The following ACSS3 variants were observed in gnomAD, a reference collection of about 807,000 sequenced individuals.
ACSS3 encodes acyl-CoA synthetase short-chain family member 3, mitochondrial.
In ACSS3, 64 loss-of-function variants were observed where a neutral mutation model predicts 84.2. That is an observed-to-expected ratio of 0.76 (90% CI 0.62 to 0.94). The LOEUF (loss-of-function observed/expected upper bound fraction) is 0.94. ACSS3 is among the 40% of genes least tolerant of loss of function. The pLI, the probability that ACSS3 is intolerant of heterozygous loss-of-function variation, is 0.00. For missense variants in ACSS3, 815 were observed against 867.6 expected (o/e 0.94, Z 0.76); for synonymous variants, 317 against 310.1 (o/e 1.02, Z -0.23).
intron 8 of ACSS3, among the ~76,000 whole-genome samples, chr12:81,179,115 C>T (rs946540013): frequency 6.6e-6 from 1 of 151,876 alleles, no homozygotes; most frequent in African/African-American, 2.4e-5. Context: ...AACCAGACCC[C>T]TTCCTTTCAC....
chr12:81,246,646 C>T (rs953556789), intron 13 of ACSS3, among the ~76,000 whole-genome samples: 1 of 152,168 alleles, frequency 6.6e-6, no homozygotes, highest in African/African-American at 2.4e-5. Flanking sequence ...TAAGTTACTT[C>T]ATTTTTTTCT....
In ACSS3 at chr12:81,255,498, GCTATAC is replaced by G. The variant is rs2034270324; in HGVS notation, c.*579_*584del. ...GGGAAAGCAGAACACCGGGGTTATA[GCTATAC>G]CTTCAGGTCTTTTGTTACTTAGGCA... On this transcript the variant is annotated 3_prime_UTR_variant, in exon 16 of 16. Coordinates refer to ENST00000548058, the MANE Select transcript of ACSS3 (RefSeq NM_024560.4). The G allele has an allele frequency of 6.9e-6, 1 of 143,946 alleles. No individual in the cohort carries two copies. Among genetic ancestry groups the G allele is most frequent in the Non-Finnish European group, 1.6e-5 (1 of 64,224 alleles). 8.9% of individuals were successfully genotyped at this position (143,946 alleles called of 1,614,324 possible). A position where few individuals can be genotyped will look rare whatever the true frequency, so the allele number is the denominator to read the frequency against.
intron 2 of ACSS3, among the ~76,000 whole-genome samples, chr12:81,121,234 A>G (rs1884567848): frequency 6.6e-6 from 1 of 152,220 alleles, no homozygotes; most frequent in Non-Finnish European, 1.5e-5. Flanking sequence ...TGGTTGGTGT[A>G]GTCAGGGTAG....
At chr12:81,121,417 C>G (rs1275151540) in intron 2 of ACSS3, among the ~76,000 whole-genome samples, 1 of 151,708 alleles carries the variant, frequency 6.6e-6, no homozygotes, top group Non-Finnish European at 1.5e-5. Context: ...TCTAAGAAAC[C>G]AATTTGGCTT....
At chr12:81,135,027 T>C in intron 3 of ACSS3, 23 bp downstream of exon 3, 1 of 1,545,234 alleles carries the variant, frequency 6.5e-7, no homozygotes, top group Non-Finnish European at 8.8e-7. Context: ...TTTTGGGAAA[T>C]CAAGTAGTAG....
intron 1 of ACSS3, among the ~76,000 whole-genome samples, chr12:81,084,070 G>A (rs1189293483): frequency 1.3e-5 from 2 of 152,138 alleles, no homozygotes; most frequent in Non-Finnish European, 2.9e-5. Flanking sequence ...CCTTTAAATG[G>A]TGCATGTGCT....
chr12:81,234,080 C>G (rs1320830974), intron 13 of ACSS3, among the ~76,000 whole-genome samples: 1 of 151,202 alleles, frequency 6.6e-6, no homozygotes, highest in Non-Finnish European at 1.5e-5. Flanking sequence ...ACTCTGGTAC[C>G]CCTTATTTTT....
intron 8 of ACSS3, among the ~76,000 whole-genome samples, chr12:81,187,119 C>T (rs944355474): frequency 6.7e-6 from 1 of 150,350 alleles, no homozygotes; most frequent in Admixed American, 6.7e-5. Context: ...AATATTACAT[C>T]ATCTCATTTA....
chr12:81,152,246 G>T lies in ACSS3; in HGVS notation c.1098+150G>T, dbSNP rs749862057. On this transcript the variant is annotated intron_variant, in intron 7 of 15. Coordinates refer to ENST00000548058, the MANE Select transcript of ACSS3 (RefSeq NM_024560.4). ...CAGTTAAAAATATAATTTTGAAAGGGAAAAGGATATGTAGGAAATATTAGC... is the reference window on the plus strand; with the variant it reads ...CAGTTAAAAATATAATTTTGAAAGGTAAAAGGATATGTAGGAAATATTAGC... 1.3e-4 allele frequency: 76 copies of T among 583,678 alleles called. No homozygotes were observed. Among genetic ancestry groups the T allele is most frequent in the Non-Finnish European group, 2.0e-4 (70 of 350,502 alleles). The allele number at this position is 583,678 out of a possible 1,614,324, so 36.2% of individuals were successfully genotyped here.
chr12:81,242,885 A>G (rs1565740549), intron 13 of ACSS3, among the ~76,000 whole-genome samples: 2 of 152,246 alleles, frequency 1.3e-5, no homozygotes, highest in East Asian at 3.9e-4. Flanking sequence ...ACCTATGACA[A>G]ACCCACAGCC....
At chr12:81,188,803 A>G (rs1001950292) in intron 8 of ACSS3, among the ~76,000 whole-genome samples, 1 of 152,080 alleles carries the variant, frequency 6.6e-6, no homozygotes, top group African/African-American at 2.4e-5. Context: ...AAGTTGGCAG[A>G]TACAGTCATA....
chr12:81,233,275 G>C, intron 12 of ACSS3, 74 bp from the exon 13 acceptor site: 1 of 1,514,168 alleles, frequency 6.6e-7, no homozygotes. Flanking sequence ...TACATTGTGT[G>C]TTTTACCAAG....
intron 7 of ACSS3, among the ~76,000 whole-genome samples, chr12:81,156,500 G>GA (rs75954140): frequency 0.3 from 46,147 of 151,732 alleles, 7,137 homozygotes; most frequent in East Asian, 0.5. Flanking sequence ...GAAAATTAAT[G>GA]AAAAAGAACT....
At chr12:81,118,404 C>G (rs1052391670) in intron 2 of ACSS3, among the ~76,000 whole-genome samples, 1 of 152,094 alleles carries the variant, frequency 6.6e-6, no homozygotes, top group Non-Finnish European at 1.5e-5. Context: ...TATGTATGTC[C>G]CAACTCTTGG....
chr12:81,243,272 G>T (rs1166252060), intron 13 of ACSS3, among the ~76,000 whole-genome samples: 1 of 152,114 alleles, frequency 6.6e-6, no homozygotes, highest in East Asian at 1.9e-4. Context: ...GCTTCAAAGA[G>T]AATAAAATAC....
chr12:81,193,644 C>T (rs1385234297), intron 8 of ACSS3, among the ~76,000 whole-genome samples: 1 of 151,600 alleles, frequency 6.6e-6, no homozygotes, highest in Non-Finnish European at 1.5e-5. Flanking sequence ...CATGTGTTAC[C>T]ATCATCAGAA....
chr12:81,132,045 A>G (rs1885538233), intron 2 of ACSS3, among the ~76,000 whole-genome samples: 1 of 151,908 alleles, frequency 6.6e-6, no homozygotes, highest in Non-Finnish European at 1.5e-5. Flanking sequence ...TTTATTGAGG[A>G]TTTTTGCATC....
intron 1 of ACSS3, among the ~76,000 whole-genome samples, chr12:81,083,386 C>T (rs1360927430): frequency 7.3e-6 from 1 of 136,244 alleles, no homozygotes; most frequent in Admixed American, 8.1e-5. Context: ...GAGACGGAGT[C>T]TCACTCTGTC....
At chr12:81,130,180 A>G (rs12818840) in intron 2 of ACSS3, among the ~76,000 whole-genome samples, 51,283 of 150,202 alleles carry the variant, frequency 0.34, 10,648 homozygotes, top group Non-Finnish European at 0.49. Context: ...TTCTAGTTCT[A>G]GATCCTTGAG....
Sources: gnomAD v4.1 joint callset for allele counts (sites outside exome capture counted in the v4.1 genomes callset) on GRCh38, gnomAD v4.1.1 for gene constraint, MANE v1.5 for transcripts, NCBI Gene and HGNC (gene_info 2026-07-23, HGNC 2026-07-21) for gene names.